SPAG1: variants seen among roughly 807,000 people sequenced by gnomAD.
SPAG1 encodes the protein sperm associated antigen 1.
Under a neutral mutation model 100.5 loss-of-function variants are expected in SPAG1, and 69 were observed. The observed-to-expected ratio is 0.69, with a 90% CI of 0.57 to 0.84. The LOEUF (loss-of-function observed/expected upper bound fraction) is 0.84, where lower values mean the gene tolerates loss of function less well. Among genes scored for constraint, SPAG1 ranks in the 40% least tolerant of loss-of-function variants. SPAG1 has a pLI of 0.00. For synonymous variants in SPAG1, 336 were observed against 411.6 expected (o/e 0.82, Z 2.22); for missense variants, 955 against 1,133.1 (o/e 0.84, Z 2.26).
chr8:100,160,682 T>C (rs1457238341), intron 1 of SPAG1, among the ~76,000 whole-genome samples: 1 of 150,328 alleles, frequency 6.7e-6, no homozygotes, highest in East Asian at 1.9e-4. Context: ...ACACAGTTCA[T>C]TGTGTAGTAG....
intron 10 of SPAG1, among the ~76,000 whole-genome samples, chr8:100,201,315 G>T (rs1586467488): frequency 6.6e-6 from 1 of 151,850 alleles, no homozygotes; most frequent in South Asian, 2.1e-4. Context: ...GTAGAGACAG[G>T]GGTCTCACTT....
At chr8:100,202,538 G>A (rs1256007990) in intron 10 of SPAG1, among the ~76,000 whole-genome samples, 1 of 149,464 alleles carries the variant, frequency 6.7e-6, no homozygotes, top group African/African-American at 2.5e-5. Flanking sequence ...GTGAAACCCC[G>A]TCTCTACTAA....
chr8:100,188,857 G>A (rs1751479007), intron 8 of SPAG1, among the ~76,000 whole-genome samples: 1 of 152,158 alleles, frequency 6.6e-6, no homozygotes, highest in South Asian at 2.1e-4. Flanking sequence ...GCCATGGATT[G>A]CCCTCCATTT....
intron 13 of SPAG1, among the ~76,000 whole-genome samples, chr8:100,223,764 T>A (rs1818383642): frequency 6.6e-6 from 1 of 152,066 alleles, no homozygotes; most frequent in Non-Finnish European, 1.5e-5. Flanking sequence ...GTAATATAAG[T>A]TTTGCTTGAA....
rs982058255 is a variant in SPAG1 at position 100,166,266 on chromosome 8, C to CT, written c.300+303dup. ...AACATGTTTATTTGTAATTTTTTTT[C>CT]TTTTTTTTTTGAGATGGAGTCTTGC... On this transcript the variant is annotated intron_variant, in intron 3 of 18. Coordinates refer to ENST00000388798, the MANE Select transcript of SPAG1 (RefSeq NM_003114.5). Among the ~76,000 whole-genome samples, 926 of 148,274 alleles carry CT rather than the reference C, an allele frequency of 6.2e-3. 9 individuals carry two copies. The highest frequency in any genetic ancestry group is 0.021 in the African/African-American group (864 of 40,582).
intron 10 of SPAG1, among the ~76,000 whole-genome samples, chr8:100,197,787 T>G (rs762243069): frequency 5.3e-5 from 8 of 152,228 alleles, no homozygotes; most frequent in Non-Finnish European, 1.2e-4. Flanking sequence ...GACTGGGGTA[T>G]AACATAACTG....
intron 10 of SPAG1, chr8:100,194,778 G>C (rs900385460): frequency 8.1e-5 from 14 of 173,516 alleles, no homozygotes; most frequent in African/African-American, 3.3e-4. Flanking sequence ...ATCTAGACTA[G>C]ATAAAGGGTT....
intron 10 of SPAG1, among the ~76,000 whole-genome samples, chr8:100,196,465 T>A (rs1326200937): frequency 6.6e-6 from 1 of 152,244 alleles, no homozygotes; most frequent in African/African-American, 2.4e-5. Context: ...ATTTTCCTGA[T>A]GAGAATCTTT....
rs986730169 is a variant in SPAG1 at position 100,212,944 on chromosome 8, C to T, written c.1097-146C>T. On this transcript the variant is annotated intron_variant, in intron 10 of 18. Transcript: ENST00000388798. ...CCGACTGGCTCTAGAGGTCCGGCAG[C>T]ACAGGCTCCGCCCGCAGGGGCGGTG... is the stretch of plus-strand genomic sequence containing the variant. 6.7e-6 allele frequency: 4 copies of T among 595,586 alleles called. No individual in the cohort carries two copies. In the Admixed American group the frequency reaches 1.8e-4, roughly 27 times the overall value. The allele number at this position is 595,586 out of a possible 1,614,324, so 36.9% of individuals were successfully genotyped here.
At chr8:100,220,160 G>C (rs1818195103) in intron 12 of SPAG1, 119 bp from the exon 13 acceptor site, 1 of 784,898 alleles carries the variant, frequency 1.3e-6, no homozygotes, top group Non-Finnish European at 1.9e-6. Context: ...TGGTTCCCAA[G>C]ACGAAGTCTC....
intron 15 of SPAG1, chr8:100,233,121 G>A (rs1422838640): frequency 1.6e-5 from 5 of 322,152 alleles, no homozygotes; most frequent in South Asian, 1.1e-4. Context: ...ATCTGATGTA[G>A]TTCTCAGCTG....
chr8:100,233,633 G>A, intron 16 of SPAG1, 96 bp downstream of exon 16: 1 of 1,255,404 alleles, frequency 8.0e-7, no homozygotes. Flanking sequence ...ATGGGATTGA[G>A]GTTATTCTTG....
intron 10 of SPAG1, among the ~76,000 whole-genome samples, chr8:100,197,753 G>T (rs1185674418): frequency 1.3e-5 from 2 of 152,138 alleles, no homozygotes; most frequent in Non-Finnish European, 2.9e-5. Context: ...TCTCCACTCG[G>T]GTTGGCCAGG....
chr8:100,220,198 A>C, intron 12 of SPAG1, 81 bp from the exon 13 acceptor site: 2 of 783,272 alleles, frequency 2.6e-6, no homozygotes, highest in Non-Finnish European at 3.8e-6. Flanking sequence ...AGAGTTCAGT[A>C]CTGCAGTATC....
At chr8:100,226,065 C>T (rs1279485527) in intron 14 of SPAG1, among the ~76,000 whole-genome samples, 6 of 149,674 alleles carry the variant, frequency 4.0e-5, no homozygotes, top group Admixed American at 6.7e-5. Context: ...GGTGTGACCT[C>T]GGCTCACTGC....
rs564905346 is a variant in SPAG1 at position 100,200,337 on chromosome 8, A to G, written c.1096+6069A>G. On this transcript the variant is annotated intron_variant, in intron 10 of 18. Transcript: ENST00000388798. ...TATATGTGCCACATTTTCTTAATCC[A>G]GTCTATCATTGATGGACATTTGGGT... Among the ~76,000 whole-genome samples the G allele has an allele frequency of 3.3e-5, 5 of 152,332 alleles. No individual in the cohort carries two copies. In the East Asian group the frequency reaches 9.6e-4, roughly 29 times the overall value.
intron 10 of SPAG1, among the ~76,000 whole-genome samples, chr8:100,206,017 CAAA>C (rs574907013): frequency 1.4e-4 from 11 of 77,348 alleles, no homozygotes; most frequent in African/African-American, 5.0e-4. Flanking sequence ...GACTCTGTCT[CAAA>C]AAAAAAAAAA....
intron 10 of SPAG1, among the ~76,000 whole-genome samples, chr8:100,195,164 C>A (rs1274208072): frequency 5.5e-4 from 67 of 122,456 alleles, no homozygotes; most frequent in South Asian, 1.4e-3. Flanking sequence ...GACTCCATCT[C>A]AAAAAAAAAA....
chr8:100,197,647 A>G (rs896195597), intron 10 of SPAG1, among the ~76,000 whole-genome samples: 3 of 152,242 alleles, frequency 2.0e-5, no homozygotes, highest in Non-Finnish European at 4.4e-5. Context: ...ATTCCGGGAA[A>G]GAATTCCCAG....
Sources: gnomAD v4.1 joint callset for allele counts (sites outside exome capture counted in the v4.1 genomes callset) on GRCh38, gnomAD v4.1.1 for gene constraint, MANE v1.5 for transcripts, NCBI Gene and HGNC (gene_info 2026-07-23, HGNC 2026-07-21) for gene names.